Variants in GRID2 observed in about 807,000 individuals in gnomAD.
The protein encoded by GRID2 is glutamate ionotropic receptor delta type subunit 2.
Under a neutral mutation model 114.8 loss-of-function variants are expected in GRID2, and 33 were observed. The observed-to-expected ratio is 0.29, with a 90% CI of 0.22 to 0.38. The LOEUF is 0.38. GRID2 is among the 10% of genes least tolerant of loss of function. The probability of loss-of-function intolerance (pLI) is 1.00; values close to 1 mark genes in which losing one functional copy is unlikely to be tolerated. For synonymous variants in GRID2, 505 were observed against 449.9 expected, an observed-to-expected ratio of 1.12 and a Z score of -1.55; for missense variants, 1,184 against 1,257.7, an observed-to-expected ratio of 0.94 and a Z score of 0.89.
chr4:93,413,027 T>C (rs1421171491), intron 9 of GRID2, among the ~76,000 whole-genome samples: 3 of 152,202 alleles, frequency 2.0e-5, no homozygotes, highest in African/African-American at 7.2e-5. Context: ...TCCAAGTCTT[T>C]GCTATTGTAA....
At chr4:93,235,975 A>G (rs950429562) in intron 7 of GRID2, among the ~76,000 whole-genome samples, 2 of 152,060 alleles carry the variant, frequency 1.3e-5, no homozygotes, top group East Asian at 1.9e-4. Flanking sequence ...TCTTTTTCGT[A>G]TAAATAAGCT....
At chr4:92,410,307 G>A (rs1224883493) in intron 1 of GRID2, among the ~76,000 whole-genome samples, 1 of 152,200 alleles carries the variant, frequency 6.6e-6, no homozygotes, top group African/African-American at 2.4e-5. Context: ...GACTGTTAAA[G>A]TAAGGCAGTA....
intron 2 of GRID2, among the ~76,000 whole-genome samples, chr4:92,948,634 A>G (rs993346317): frequency 9.9e-5 from 15 of 152,008 alleles, no homozygotes; most frequent in Admixed American, 3.3e-4. Context: ...CCAAAATGCA[A>G]TATATGAATG....
intron 2 of GRID2, among the ~76,000 whole-genome samples, chr4:92,789,995 A>G (rs1739502066): frequency 6.6e-6 from 1 of 151,586 alleles, no homozygotes; most frequent in African/African-American, 2.4e-5. Context: ...CTCAGATGGG[A>G]CTCCTCAATT....
In GRID2 at chr4:93,506,019, A is replaced by T. The variant is rs1728590838; in HGVS notation, c.1998-9197A>T. Among the ~76,000 whole-genome samples, 5 of 152,256 alleles carry T rather than the reference A, an allele frequency of 3.3e-5. No individual in the cohort carries two copies. The South Asian group carries it at 1.0e-3, about 32-fold the overall frequency. On this transcript the variant is annotated intron_variant, in intron 12 of 15. Transcript: ENST00000282020. ...AGCCAACAGCAGTAAGACGTGCAGC[A>T]TTTCCATCTTCCCTTAGATTCTCTA...
chr4:92,892,866 T>C (rs558353443), intron 2 of GRID2, among the ~76,000 whole-genome samples: 1 of 152,194 alleles, frequency 6.6e-6, no homozygotes. Flanking sequence ...AAATTAATTT[T>C]ATTTGTTAAA....
At chr4:92,621,408 A>G (rs1340071208) in intron 2 of GRID2, among the ~76,000 whole-genome samples, 2 of 151,720 alleles carry the variant, frequency 1.3e-5, no homozygotes, top group African/African-American at 2.4e-5. Flanking sequence ...GTTTAAAATT[A>G]AAAGATGAAC....
chr4:92,647,068 G>A (rs1319676433), intron 2 of GRID2, among the ~76,000 whole-genome samples: 2 of 152,192 alleles, frequency 1.3e-5, no homozygotes, highest in Non-Finnish European at 2.9e-5. Context: ...GGTTAGAGTG[G>A]GACTGAGAGG....
At chr4:93,331,554 C>T (rs991491451) in intron 8 of GRID2, among the ~76,000 whole-genome samples, 12 of 151,970 alleles carry the variant, frequency 7.9e-5, no homozygotes, top group African/African-American at 2.9e-4. Flanking sequence ...GCATTCTCCA[C>T]CAGAATATAA....
chr4:92,828,160 G>A lies in GRID2; in HGVS notation c.244+237874G>A, dbSNP rs139058812. 5.5e-3 allele frequency among the ~76,000 whole-genome samples: 843 copies of A among 152,016 alleles called. 14 individuals are homozygous for A. Among genetic ancestry groups the A allele is most frequent in the African/African-American group, 0.019 (793 of 41,518 alleles). The stretch of plus-strand genomic sequence containing the variant: ...TTGTTTCCTAAATAAAACCAAAGCC[G>A]ATTACATTTGAGTTGCTAAAATCAA... On this transcript the variant is annotated intron_variant, in intron 2 of 15. Transcript: ENST00000282020.
chr4:92,490,754 A>G (rs1284058777), intron 1 of GRID2, among the ~76,000 whole-genome samples: 1 of 152,106 alleles, frequency 6.6e-6, no homozygotes, highest in African/African-American at 2.4e-5. Flanking sequence ...CGTCCTCTCC[A>G]AAGTCCCCAA....
chr4:92,307,121 G>A (rs955244310), intron 1 of GRID2, among the ~76,000 whole-genome samples: 2 of 152,098 alleles, frequency 1.3e-5, no homozygotes, highest in Admixed American at 6.6e-5. Context: ...AAAACCGAAT[G>A]TCCATATTAA....
chr4:92,799,597 A>T (rs1409585092), intron 2 of GRID2, among the ~76,000 whole-genome samples: 1 of 151,784 alleles, frequency 6.6e-6, no homozygotes, highest in African/African-American at 2.4e-5. Context: ...TCTCTTTTTT[A>T]TACATTTCCT....
At chr4:93,471,162 A>G (rs1368882587) in intron 11 of GRID2, among the ~76,000 whole-genome samples, 16 of 152,178 alleles carry the variant, frequency 1.1e-4, no homozygotes, top group Admixed American at 1.0e-3. Context: ...AAATAAAATG[A>G]AACAAACCTC....
chr4:92,905,984 A>G (rs1165374474), intron 2 of GRID2, among the ~76,000 whole-genome samples: 2 of 152,178 alleles, frequency 1.3e-5, no homozygotes, highest in African/African-American at 2.4e-5. Context: ...GGTTTTATCA[A>G]TCACAAATGG....
At position 93,422,814 on chromosome 4, in the gene GRID2, C is replaced by G. The variant is rs774894054; in HGVS notation, c.1391C>G (p.Pro464Arg). The G allele has an allele frequency of 1.5e-5, 25 of 1,613,298 alleles. 2 individuals are homozygous for G. In the South Asian group the frequency reaches 2.6e-4, roughly 17 times the overall value. The change falls in exon 10 of 16, where the codon CCG (proline) becomes CGG (arginine). Residue 464 changes from proline (P) to arginine (R), a missense_variant. Pro to Arg is a moderately radical substitution (Grantham distance 103). This residue lies in a region of GRID2 where 717 missense variants were observed against 796.9 expected (regional missense o/e 0.90). Coordinates refer to ENST00000282020, the MANE Select transcript of GRID2 (RefSeq NM_001510.4). ...VMVSENVLGK[P>R]KKYQGFSIDV... ...GTCTCTGAAAATGTCTTGGGTAAGCCGAAGAAATACCAGGGCTTCTCCATT... is the reference window on the plus strand; with the variant it reads ...GTCTCTGAAAATGTCTTGGGTAAGCGGAAGAAATACCAGGGCTTCTCCATT...
intron 1 of GRID2, among the ~76,000 whole-genome samples, chr4:92,424,863 A>G (rs2110330679): frequency 6.6e-6 from 1 of 152,070 alleles, no homozygotes; most frequent in Non-Finnish European, 1.5e-5. Flanking sequence ...AAAATTCAAA[A>G]GTTGCTTGTA....
chr4:93,692,750 G>A (rs933604557), intron 14 of GRID2, among the ~76,000 whole-genome samples: 8 of 151,960 alleles, frequency 5.3e-5, no homozygotes, highest in Admixed American at 1.3e-4. Flanking sequence ...CAGTAATGAC[G>A]TACACTTTAT....
At chr4:92,674,973 T>G (rs1733273002) in intron 2 of GRID2, among the ~76,000 whole-genome samples, 1 of 152,236 alleles carries the variant, frequency 6.6e-6, no homozygotes, top group South Asian at 2.1e-4. Context: ...TATTTTTGCT[T>G]CTTCATATGT....
Sources: allele counts gnomAD v4.1 joint callset (sites outside exome capture counted in the v4.1 genomes callset), GRCh38; gene constraint gnomAD v4.1.1; regional missense constraint gnomAD v4.1.1; transcripts MANE v1.5; gene names NCBI Gene and HGNC (gene_info 2026-07-23, HGNC 2026-07-21).